RHOC: variants seen among roughly 807,000 people sequenced by gnomAD.
RHOC encodes the protein rho-related GTP-binding protein RhoC.
RHOC carries 13 observed loss-of-function variants against 19.5 expected under a neutral mutation model. The ratio of observed to expected loss-of-function variants is 0.67; its 90% confidence interval spans 0.43 to 1.06. The LOEUF (loss-of-function observed/expected upper bound fraction) is 1.06. Ranked by LOEUF, RHOC falls within the 50% of genes least tolerant of loss-of-function variation. The pLI is 0.00. For missense variants in RHOC, 173 were observed against 256.9 expected, an observed-to-expected ratio of 0.67 and a Z score of 2.23; for synonymous variants, 106 against 97.3, an observed-to-expected ratio of 1.09 and a Z score of -0.52.
rs1204217869 is a variant in RHOC at position 112,703,793 on chromosome 1, C to T, written c.7G>A (p.Ala3Thr). MAAIRKKLVIVGD... is the reference protein window; with the variant it reads MATIRKKLVIVGD... ...ACGATCACCAGCTTCTTTCGGATTG[C>T]AGCCATGGTGGGGCTGCCAGGAAAG... is the stretch of plus-strand genomic sequence containing the variant. The change falls in exon 3 of 6, where the codon GCA becomes ACA. Residue 3 changes from alanine (A) to threonine (T), a missense_variant. Physicochemically the swap from Ala to Thr is moderately conservative, Grantham distance 58. Coordinates refer to ENST00000339083, the MANE Select transcript of RHOC (RefSeq NM_175744.5). 1 of 1,610,794 alleles carries T rather than the reference C, an allele frequency of 6.2e-7. No individual in the cohort carries two copies.
chr1:112,703,198 T>C, intron 3 of RHOC, 79 bp from the exon 4 acceptor site: 5 of 1,543,538 alleles, frequency 3.2e-6, no homozygotes, highest in Non-Finnish European at 4.4e-6. Context: ...CCACTGTCCT[T>C]CGGGCTCACT....
chr1:112,706,755 TGAAGTTCCCTCGCCCCTCG>T (rs1674910450), intron 1 of RHOC: 1 of 151,812 alleles, frequency 6.6e-6, no homozygotes, highest in South Asian at 2.1e-4. Flanking sequence ...GCGTCTGAGT[TGAAGTTCCCTCGCCCCTCG>T]CCCGGCGGGG....
In RHOC at chr1:112,701,553, C is replaced by G; in HGVS notation, c.569G>C (p.Cys190Ser). 2 of 1,614,122 alleles carry G rather than the reference C, an allele frequency of 1.2e-6. No individual in the cohort carries two copies. Among genetic ancestry groups the G allele is most frequent in the Non-Finnish European group, 1.7e-6 (2 of 1,179,984 alleles). The stretch of plus-strand genomic sequence containing the variant: ...GCCTTGGGGATCTCAGAGAATGGGA[C>G]AGCCCCTCCGACGCTTGTTCTTGCG... ...QVRKNKRRRGCPIL is the reference protein window; with the variant it reads ...QVRKNKRRRGSPIL The change falls in exon 6 of 6, where the codon TGT (cysteine) becomes TCT (serine). Residue 190 changes from cysteine (C) to serine (S), a missense_variant. Coordinates refer to ENST00000339083, the MANE Select transcript of RHOC (RefSeq NM_175744.5).
At chr1:112,702,912 CTCT>C in intron 4 of RHOC, 84 bp downstream of exon 4, 2 of 1,468,624 alleles carry the variant, frequency 1.4e-6, no homozygotes, top group Non-Finnish European at 1.9e-6. Context: ...CCACCCCCAC[CTCT>C]GAAGATGACT....
At chr1:112,705,527 A>C (rs1674809057) in intron 1 of RHOC, 6 of 498,192 alleles carry the variant, frequency 1.2e-5, no homozygotes, top group Non-Finnish European at 2.4e-5. Context: ...ACAGGAGTTC[A>C]AAGTACACAG....
chr1:112,705,502 T>G (rs1042408708), intron 1 of RHOC: 4 of 528,160 alleles, frequency 7.6e-6, no homozygotes, highest in Non-Finnish European at 1.5e-5. Flanking sequence ...TTTGTGGACA[T>G]GAGTCAGAGA....
At chr1:112,702,938 A>T in intron 4 of RHOC, 61 bp downstream of exon 4, 1 of 1,598,864 alleles carries the variant, frequency 6.3e-7, no homozygotes, top group Non-Finnish European at 8.6e-7. Context: ...AGACAGGCCA[A>T]GGCACGAGAC....
chr1:112,702,210 C>T (rs985636590), intron 5 of RHOC, among the ~76,000 whole-genome samples: 1 of 152,220 alleles, frequency 6.6e-6, no homozygotes, highest in East Asian at 1.9e-4. Context: ...CCCTCATTCC[C>T]GCATCCACAT....
At position 112,702,993 on chromosome 1, in the gene RHOC, C is replaced by CCTCACCCA; in HGVS notation, c.275_277+5dup. The CCTCACCCA allele has an allele frequency of 1.2e-6, 2 of 1,614,126 alleles. No individual in the cohort carries two copies. The highest frequency in any genetic ancestry group is 1.7e-6 in the Non-Finnish European group (2 of 1,179,990). ...GTTCTCAGTCCCCTCCCTCCAATCC[C>CCTCACCCA]CTCACCCAGGCTGTCAGGGCTGTCG... On this transcript the variant is annotated splice_donor_region_variant and intron_variant, in intron 4 of 5. Coordinates refer to ENST00000339083, the MANE Select transcript of RHOC (RefSeq NM_175744.5).
Position 112,701,423 on chromosome 1 carries a change from G to A in RHOC, c.*117C>T, listed in dbSNP as rs1421389827. 5 of 1,604,296 alleles carry A rather than the reference G, an allele frequency of 3.1e-6. No individual in the cohort carries two copies. The highest frequency in any genetic ancestry group is 3.4e-5 in the Admixed American group (2 of 58,384). The stretch of plus-strand genomic sequence containing the variant: ...CTAGAAAACAATGCAGTCCTGGGCA[G>A]GAGGGAACTGAAAATGGGAGCCTTC... On this transcript the variant is annotated 3_prime_UTR_variant, in exon 6 of 6. Transcript: ENST00000339083.
Position 112,703,022 on chromosome 1 carries a change from G to A in RHOC, c.254C>T (p.Ser85Phe). Residue 85 changes from serine to phenylalanine, a missense_variant, in exon 4 of 6, where the codon TCC becomes TTC. Transcript: ENST00000339083. ...ACCCAGGCTGTCAGGGCTGTCGATG[G>A]AGAAGCACATGAGGATGACATCAGT... The part of the protein sequence containing the change: ...PDTDVILMCF[S>F]IDSPDSLENI... 6.2e-7 allele frequency: 1 copy of A among 1,614,098 alleles called. No individual in the cohort carries two copies. The highest frequency in any genetic ancestry group is 8.5e-7 in the Non-Finnish European group (1 of 1,180,028).
At chr1:112,706,492 A>ACACACACCCCCACAC (rs1674886604) in intron 1 of RHOC, among the ~76,000 whole-genome samples, 1 of 30,004 alleles carries the variant, frequency 3.3e-5, no homozygotes, top group South Asian at 1.8e-3. Context: ...ACACACACAC[A>ACACACACCCCCACAC]CACACACACA....
At chr1:112,706,925 T>C (rs1175575729) in intron 1 of RHOC, 153 bp downstream of exon 1, 1 of 151,784 alleles carries the variant, frequency 6.6e-6, no homozygotes, top group African/African-American at 2.4e-5. Flanking sequence ...CCAGCCCGGA[T>C]GCCGACTCCG....
chr1:112,701,524 A>G lies in RHOC; in HGVS notation c.*16T>C. 6.2e-7 allele frequency: 1 copy of G among 1,614,074 alleles called. No individual in the cohort carries two copies. Among genetic ancestry groups the G allele is most frequent in the Non-Finnish European group, 8.5e-7 (1 of 1,179,970 alleles). ...CCTGTGAAGGGAGGGGGCATGTAGGAAAGGCCTTGGGGATCTCAGAGAATG... is the reference window on the plus strand; with the variant it reads ...CCTGTGAAGGGAGGGGGCATGTAGGGAAGGCCTTGGGGATCTCAGAGAATG... On this transcript the variant is annotated 3_prime_UTR_variant, in exon 6 of 6. Coordinates refer to ENST00000339083, the MANE Select transcript of RHOC (RefSeq NM_175744.5).
intron 1 of RHOC, chr1:112,706,793 G>C (rs1674911701): frequency 6.6e-6 from 1 of 152,100 alleles, no homozygotes; most frequent in South Asian, 2.1e-4. Flanking sequence ...GGCAGGTTCC[G>C]GGAAGCTGGG....
rs1557777284 is a variant in RHOC, at chr1:112,701,473, G to T, written c.*67C>A. The T allele has an allele frequency of 6.2e-7, 1 of 1,613,856 alleles. No individual in the cohort carries two copies. Among genetic ancestry groups the T allele is most frequent in the East Asian group, 2.2e-5 (1 of 44,866 alleles). On this transcript the variant is annotated 3_prime_UTR_variant, in exon 6 of 6. Coordinates refer to ENST00000339083, the MANE Select transcript of RHOC (RefSeq NM_175744.5). ...CAGCATGGAGCCCTCAGGAGGCTGGGGTTGTAGGGGGATAATTTCTGTACC... is the reference window on the plus strand; with the variant it reads ...CAGCATGGAGCCCTCAGGAGGCTGGTGTTGTAGGGGGATAATTTCTGTACC...
At chr1:112,703,861 C>G in intron 2 of RHOC, 55 bp from the exon 3 acceptor site, 1 of 1,534,958 alleles carries the variant, frequency 6.5e-7, no homozygotes, top group Non-Finnish European at 8.8e-7. Flanking sequence ...TCCAAAAACA[C>G]TTCTCTAGGG....
At chr1:112,705,435 A>G in intron 1 of RHOC, 1 of 594,990 alleles carries the variant, frequency 1.7e-6, no homozygotes, top group East Asian at 3.0e-5. Context: ...CTTCCCTTCA[A>G]CATAGATCCT....
intron 2 of RHOC, chr1:112,704,854 C>T: frequency 1.8e-6 from 1 of 564,336 alleles, no homozygotes; most frequent in South Asian, 2.1e-5. Flanking sequence ...ACACATCTAC[C>T]ACAGCACAGT....
Sources: allele counts gnomAD v4.1 joint callset (sites outside exome capture counted in the v4.1 genomes callset), GRCh38; gene constraint gnomAD v4.1.1; transcripts MANE v1.5; gene names NCBI Gene and HGNC (gene_info 2026-07-23, HGNC 2026-07-21).